The following UBASH3B variants were observed in gnomAD, a reference collection of about 807,000 sequenced individuals.
UBASH3B encodes ubiquitin-associated and SH3 domain-containing protein B.
A neutral mutation model predicts 83.4 loss-of-function variants in UBASH3B; 37 were observed. The ratio of observed to expected loss-of-function variants is 0.44; its 90% CI spans 0.34 to 0.58. UBASH3B has a LOEUF of 0.58. Among genes scored for constraint, UBASH3B ranks in the 20% least tolerant of loss-of-function variants. The pLI is 0.01. For missense variants in UBASH3B, 657 were observed against 827.2 expected, an observed-to-expected ratio of 0.79 and a Z score of 2.52; for synonymous variants, 304 against 318.3, an observed-to-expected ratio of 0.96 and a Z score of 0.48.
chr11:122,693,173 G>A (rs760733403), intron 1 of UBASH3B, among the ~76,000 whole-genome samples: 11 of 152,170 alleles, frequency 7.2e-5, no homozygotes, highest in Non-Finnish European at 1.6e-4. Context: ...TAAGGGTGGG[G>A]GCGATTACAA....
chr11:122,795,446 C>T (rs1565569221), intron 7 of UBASH3B, among the ~76,000 whole-genome samples: 1 of 152,102 alleles, frequency 6.6e-6, no homozygotes, highest in Non-Finnish European at 1.5e-5. Context: ...AGTGCTGGCC[C>T]GCGCTAAGGA....
intron 1 of UBASH3B, among the ~76,000 whole-genome samples, chr11:122,690,525 G>A (rs1419606874): frequency 1.3e-5 from 2 of 151,868 alleles, no homozygotes; most frequent in Non-Finnish European, 2.9e-5. Context: ...TGAAGTTCAG[G>A]TAGCCTCTGT....
chr11:122,742,093 A>G (rs1168675790), intron 1 of UBASH3B, among the ~76,000 whole-genome samples: 1 of 152,202 alleles, frequency 6.6e-6, no homozygotes, highest in Non-Finnish European at 1.5e-5. Context: ...GACACAGTCC[A>G]AGGTCTTCTC....
intron 1 of UBASH3B, among the ~76,000 whole-genome samples, chr11:122,725,281 T>C (rs1860713540): frequency 7.1e-6 from 1 of 140,058 alleles, no homozygotes; most frequent in Non-Finnish European, 1.5e-5. Context: ...CAAATTTGGA[T>C]TTTAATAAAA....
chr11:122,700,147 C>G (rs1430139977), intron 1 of UBASH3B, among the ~76,000 whole-genome samples: 1 of 152,124 alleles, frequency 6.6e-6, no homozygotes, highest in African/African-American at 2.4e-5. Flanking sequence ...ACCATCATTC[C>G]CCCGGGAGCA....
chr11:122,744,644 C>T (rs111506384), intron 1 of UBASH3B, among the ~76,000 whole-genome samples: 6,511 of 151,752 alleles, frequency 0.043, 267 homozygotes, highest in African/African-American at 0.1. Context: ...TGTGTGACAA[C>T]GCAAGTGTAT....
chr11:122,783,024 A>C, intron 4 of UBASH3B, 29 bp from the exon 5 acceptor site: 1 of 1,602,058 alleles, frequency 6.2e-7, no homozygotes, highest in African/African-American at 1.3e-5. Context: ...CCACCTTTTA[A>C]TTACTGACCT....
intron 1 of UBASH3B, among the ~76,000 whole-genome samples, chr11:122,725,343 A>AAAAAAAAG (rs1860718181): frequency 4.6e-5 from 2 of 43,820 alleles, no homozygotes; most frequent in African/African-American, 1.2e-4. Context: ...AAAAAAAAAA[A>AAAAAAAAG]AGAAAAGAAA....
chr11:122,693,915 T>C (rs2135922163), intron 1 of UBASH3B, among the ~76,000 whole-genome samples: 1 of 152,212 alleles, frequency 6.6e-6, no homozygotes, highest in Non-Finnish European at 1.5e-5. Context: ...GGCTAAGCGA[T>C]GCATCCATTC....
Position 122,777,178 on chromosome 11 carries a change from T to G in UBASH3B, c.370T>G (p.Phe124Val), listed in dbSNP as rs2135141271. 1 of 1,613,712 alleles carries G rather than the reference T, an allele frequency of 6.2e-7. No individual in the cohort carries two copies. Among genetic ancestry groups the G allele is most frequent in the African/African-American group, 1.3e-5 (1 of 75,014 alleles). The part of the protein sequence containing the change: ...ICGKNKAHNI[F>V]PHITLCQFFM... The stretch of plus-strand genomic sequence containing the variant: ...CGGGAAGAACAAGGCACACAACATC[T>G]TCCCCCACATCACACTCTGCCAGTT... Residue 124 changes from phenylalanine (F) to valine (V), a missense_variant, in exon 3 of 14, where the codon TTC (phenylalanine) becomes GTC (valine). Physicochemically the swap from Phe to Val is conservative, Grantham distance 50. Transcript: ENST00000284273.
At chr11:122,707,488 G>A (rs1207378166) in intron 1 of UBASH3B, among the ~76,000 whole-genome samples, 1 of 152,046 alleles carries the variant, frequency 6.6e-6, no homozygotes, top group African/African-American at 2.4e-5. Context: ...ACAATTATTT[G>A]AATGAGCCTT....
In UBASH3B at chr11:122,761,850, G is replaced by T. The variant is rs938060630; in HGVS notation, c.162-14369G>T. On this transcript the variant is annotated intron_variant, in intron 1 of 13. Coordinates refer to ENST00000284273, the MANE Select transcript of UBASH3B (RefSeq NM_032873.5). ...CTCTGTTGCCAGGCTGGAGTACAGT[G>T]GCATGATCTCTGCTCACTGCAACCT... Among the ~76,000 whole-genome samples the T allele has an allele frequency of 1.5e-4, 19 of 130,868 alleles. No individual in the cohort carries two copies. The Admixed American group carries it at 1.5e-3, about 10-fold the overall frequency. 85.9% of individuals were successfully genotyped at this position (130,868 alleles called of 152,430 possible). A position where few individuals can be genotyped will look rare whatever the true frequency, so the allele number is the denominator to read the frequency against.
At chr11:122,755,325 TCCGGTAACCCACATAGCAGTTGG>T in intron 1 of UBASH3B, among the ~76,000 whole-genome samples, 1 of 152,262 alleles carries the variant, frequency 6.6e-6, no homozygotes, top group East Asian at 1.9e-4. Context: ...TGCAGAAGGC[TCCGGTAACCCACATAGCAGTTGG>T]CCTTTTGGCT....
intron 1 of UBASH3B, among the ~76,000 whole-genome samples, chr11:122,712,887 C>A: frequency 7.8e-6 from 1 of 127,702 alleles, no homozygotes; most frequent in Non-Finnish European, 1.6e-5. Context: ...CATCTTTCTT[C>A]TCTGGGTGGT....
At chr11:122,688,327 G>A (rs1332268212) in intron 1 of UBASH3B, among the ~76,000 whole-genome samples, 6 of 149,598 alleles carry the variant, frequency 4.0e-5, no homozygotes, top group Non-Finnish European at 7.4e-5. Flanking sequence ...GTAGTGGCAC[G>A]ATCTCGGCTC....
chr11:122,800,258 G>A (rs1006459184), intron 10 of UBASH3B, among the ~76,000 whole-genome samples: 1 of 152,010 alleles, frequency 6.6e-6, no homozygotes, highest in Non-Finnish European at 1.5e-5. Context: ...GAATTATGGG[G>A]GCCAGGCGCA....
chr11:122,803,947 G>C (rs1286566739), intron 11 of UBASH3B, among the ~76,000 whole-genome samples: 1 of 152,062 alleles, frequency 6.6e-6, no homozygotes, highest in Non-Finnish European at 1.5e-5. Context: ...AGGAAGCTTT[G>C]ACTCAGGCCA....
At chr11:122,705,454 T>TAAA (rs60998227) in intron 1 of UBASH3B, among the ~76,000 whole-genome samples, 2 of 59,534 alleles carry the variant, frequency 3.4e-5, no homozygotes, top group East Asian at 3.6e-4. Flanking sequence ...TCGAAAAACA[T>TAAA]AAAAAAAAAA....
At chr11:122,707,430 G>C (rs897747143) in intron 1 of UBASH3B, among the ~76,000 whole-genome samples, 10 of 152,118 alleles carry the variant, frequency 6.6e-5, no homozygotes, top group African/African-American at 2.4e-4. Context: ...CCTCTGGGCT[G>C]CCCAAGCACC....
Sources: allele counts gnomAD v4.1 joint callset (sites outside exome capture counted in the v4.1 genomes callset), GRCh38; gene constraint gnomAD v4.1.1; transcripts MANE v1.5; gene names NCBI Gene and HGNC (gene_info 2026-07-23, HGNC 2026-07-21).